Variants in PDCD10 observed in about 807,000 individuals in gnomAD.
PDCD10 encodes programmed cell death 10, also known as programmed cell death protein 10.
Under a neutral mutation model 29.2 loss-of-function variants are expected in PDCD10, and 4 were observed. The ratio of observed to expected loss-of-function variants is 0.14; its 90% confidence interval spans 0.07 to 0.31. The LOEUF (loss-of-function observed/expected upper bound fraction) is 0.31. Ranked by LOEUF, PDCD10 falls within the 10% of genes least tolerant of loss-of-function variation. The pLI is 1.00. For synonymous variants in PDCD10, 70 were observed against 82.2 expected (o/e 0.85, Z 0.80); for missense variants, 183 against 257.9 (o/e 0.71, Z 1.99).
rs1034698553 is a variant in PDCD10, at chr3:167,696,936, T to A, written c.268+73A>T. ...ACAGTAGGGAAGGAAGATCCTTTGG[T>A]CAAATAATAATGATTTAGAGGAAGT... On this transcript the variant is annotated intron_variant, in intron 5 of 8. Coordinates refer to ENST00000392750, the MANE Select transcript of PDCD10 (RefSeq NM_007217.4). The A allele has an allele frequency of 3.6e-6, 3 of 838,888 alleles. No individual in the cohort carries two copies. The African/African-American group carries it at 5.0e-5, about 14-fold the overall frequency. The allele number at this position is 838,888 out of a possible 1,614,324, so 52.0% of individuals were successfully genotyped here.
intron 6 of PDCD10, among the ~76,000 whole-genome samples, chr3:167,690,266 G>C (rs1016328947): frequency 3.3e-5 from 5 of 152,180 alleles, no homozygotes; most frequent in Non-Finnish European, 2.9e-5. Flanking sequence ...AACTGCAATA[G>C]AAAAGTAGAG....
rs1310294692 is a variant in PDCD10, at chr3:167,734,331, T to C, written c.-234A>G. 2 of 152,458 alleles carry C rather than the reference T, an allele frequency of 1.3e-5. No homozygotes were observed. Among genetic ancestry groups the C allele is most frequent in the Admixed American group, 1.3e-4 (2 of 15,288 alleles). The allele number at this position is 152,458 out of a possible 1,614,324, so 9.4% of individuals were successfully genotyped here. ...TAGACCCCAACATTTGTCTCTTCCT[T>C]CTTCCAGTGCTCCTCTTCCCTCAAA... On this transcript the variant is annotated 5_prime_UTR_variant, in exon 2 of 9. Coordinates refer to ENST00000392750, the MANE Select transcript of PDCD10 (RefSeq NM_007217.4).
chr3:167,731,221 G>A (rs1209617613), intron 2 of PDCD10, among the ~76,000 whole-genome samples: 2 of 152,066 alleles, frequency 1.3e-5, no homozygotes, highest in African/African-American at 4.8e-5. Flanking sequence ...ACAACATTAG[G>A]GAAGAAGAGT....
intron 4 of PDCD10, chr3:167,697,970 CT>C (rs1210399280): frequency 3.3e-5 from 15 of 456,444 alleles, no homozygotes; most frequent in Non-Finnish European, 5.3e-5. Flanking sequence ...ATTTTCTTTC[CT>C]TTTTGCCCTA....
intron 2 of PDCD10, among the ~76,000 whole-genome samples, chr3:167,733,987 T>G (rs1725098132): frequency 6.6e-6 from 1 of 152,216 alleles, no homozygotes; most frequent in South Asian, 2.1e-4. Context: ...TATCTCACAA[T>G]GGCTTCTTAG....
intron 6 of PDCD10, chr3:167,694,673 T>C (rs981466769): frequency 3.3e-5 from 5 of 152,674 alleles, no homozygotes; most frequent in East Asian, 1.9e-4. Context: ...ATCAGATGCA[T>C]GTGGGCCATG....
At chr3:167,695,465 G>A (rs538547368) in intron 6 of PDCD10, 131 bp downstream of exon 6, 124 of 790,674 alleles carry the variant, frequency 1.6e-4, no homozygotes, top group East Asian at 1.5e-4. Context: ...ATAAAATGTG[G>A]TATTTAAAAA....
intron 6 of PDCD10, among the ~76,000 whole-genome samples, chr3:167,690,566 C>T (rs1011574387): frequency 1.3e-5 from 2 of 152,064 alleles, no homozygotes; most frequent in African/African-American, 4.8e-5. Context: ...ATGTATTGGA[C>T]TTCAAAAAAA....
intron 4 of PDCD10, among the ~76,000 whole-genome samples, chr3:167,699,415 G>A (rs944581258): frequency 3.9e-5 from 6 of 152,158 alleles, no homozygotes; most frequent in Admixed American, 1.3e-4. Flanking sequence ...TTTGCTATGG[G>A]CCACCAGGTA....
intron 8 of PDCD10, among the ~76,000 whole-genome samples, chr3:167,685,306 A>G (rs1294168054): frequency 6.9e-6 from 1 of 144,558 alleles, no homozygotes; most frequent in Non-Finnish European, 1.5e-5. Context: ...CCAGCTCGGG[A>G]GGCTGAGGCA....
chr3:167,715,453 A>C (rs1722911025), intron 3 of PDCD10, among the ~76,000 whole-genome samples: 1 of 151,948 alleles, frequency 6.6e-6, no homozygotes, highest in African/African-American at 2.4e-5. Flanking sequence ...CAAAGGAAAC[A>C]ATCAGCAAAG....
At position 167,714,924 on chromosome 3, in the gene PDCD10, T is replaced by C. The variant is rs9874915; in HGVS notation, c.96+5138A>G. On this transcript the variant is annotated intron_variant, in intron 3 of 8. Coordinates refer to ENST00000392750, the MANE Select transcript of PDCD10 (RefSeq NM_007217.4). ...ACACCAATGACATTCTTCACAGAAA[T>C]AGAAAAAACAATCCTAAGATTTATA... Among the ~76,000 whole-genome samples the C allele has an allele frequency of 9.3e-3, 1,404 of 151,608 alleles. 13 individuals carry two copies. Among genetic ancestry groups the C allele is most frequent in the Admixed American group, 0.018 (277 of 15,206 alleles).
chr3:167,704,660 A>C, intron 4 of PDCD10, 182 bp downstream of exon 4: 3 of 538,654 alleles, frequency 5.6e-6, no homozygotes, highest in Non-Finnish European at 9.9e-6. Context: ...AATGCTAACG[A>C]AATAACATTT....
At chr3:167,701,054 C>T (rs1009911317) in intron 4 of PDCD10, among the ~76,000 whole-genome samples, 4 of 152,146 alleles carry the variant, frequency 2.6e-5, no homozygotes, top group Non-Finnish European at 5.9e-5. Context: ...ATTTATAATG[C>T]TGCTAAACCC....
At chr3:167,714,113 G>A (rs763025281) in intron 3 of PDCD10, among the ~76,000 whole-genome samples, 1 of 151,778 alleles carries the variant, frequency 6.6e-6, no homozygotes, top group East Asian at 1.9e-4. Context: ...AAAACTACAG[G>A]CCAATCTCTG....
At chr3:167,728,051 G>GT (rs1724401390) in intron 2 of PDCD10, among the ~76,000 whole-genome samples, 1 of 152,162 alleles carries the variant, frequency 6.6e-6, no homozygotes, top group South Asian at 2.1e-4. Context: ...GGCTAGGATA[G>GT]TATCTGTTTT....
intron 8 of PDCD10, among the ~76,000 whole-genome samples, chr3:167,685,079 T>C (rs1224929239): frequency 1.3e-5 from 2 of 152,022 alleles, no homozygotes; most frequent in African/African-American, 2.4e-5. Flanking sequence ...CCTAGTATCA[T>C]ATCTAGCATG....
intron 3 of PDCD10, among the ~76,000 whole-genome samples, chr3:167,710,258 G>T (rs1177534216): frequency 5.3e-5 from 8 of 152,240 alleles, no homozygotes; most frequent in Admixed American, 3.3e-4. Flanking sequence ...TTTGGATCTT[G>T]GGGTCCCCGA....
intron 3 of PDCD10, among the ~76,000 whole-genome samples, chr3:167,706,534 T>C (rs375189474): frequency 6.2e-5 from 9 of 146,038 alleles, no homozygotes; most frequent in Admixed American, 5.3e-4. Flanking sequence ...ACTATGTATT[T>C]GTGTATGTAA....
Sources: gnomAD v4.1 joint callset for allele counts (sites outside exome capture counted in the v4.1 genomes callset) on GRCh38, gnomAD v4.1.1 for gene constraint, MANE v1.5 for transcripts, NCBI Gene and HGNC (gene_info 2026-07-23, HGNC 2026-07-21) for gene names.